Variants in CIROZ observed in about 807,000 individuals in gnomAD.
CIROZ encodes the protein ciliated left-right organizer ZP-N domains-containing protein.
At chr1:10,961,447 G>A in the CIROZ span, among the ~76,000 whole-genome samples, 1 of 152,218 alleles carries the variant, frequency 6.6e-6, no homozygotes, top group Admixed American at 6.5e-5. Flanking sequence ...CAACATGGCA[G>A]TGAGCCGGGC....
chr1:10,949,545 C>T, the CIROZ span: 52 of 1,504,458 alleles, frequency 3.5e-5, no homozygotes, highest in Admixed American at 1.0e-3. Flanking sequence ...GCCTCAGGCC[C>T]AGCTGGGTCT....
chr1:10,966,564 G>C, the CIROZ span: 2 of 1,385,702 alleles, frequency 1.4e-6, no homozygotes, highest in Non-Finnish European at 1.9e-6. Flanking sequence ...CAGACTCGCA[G>C]ATAGAAACTG....
At chr1:10,948,383 G>A in the CIROZ span, 1 of 1,613,258 alleles carries the variant, frequency 6.2e-7, no homozygotes, top group East Asian at 2.2e-5. Flanking sequence ...ACTCCTCACT[G>A]GCTTGGCCGG....
At chr1:10,975,024 C>A in the CIROZ span, among the ~76,000 whole-genome samples, 6 of 152,200 alleles carry the variant, frequency 3.9e-5, no homozygotes, top group Non-Finnish European at 8.8e-5. Flanking sequence ...GTCATCCCAG[C>A]ACTTTGGGAA....
chr1:10,948,028 G>A, the CIROZ span: 3 of 1,613,410 alleles, frequency 1.9e-6, no homozygotes, highest in Non-Finnish European at 2.5e-6. Flanking sequence ...GGTTCCATAG[G>A]AAGAACTGCC....
the CIROZ span, among the ~76,000 whole-genome samples, chr1:10,973,943 G>A: frequency 6.9e-6 from 1 of 144,420 alleles, no homozygotes; most frequent in African/African-American, 2.8e-5. Flanking sequence ...CACCCTCGGG[G>A]ACCCCAGGAA....
the CIROZ span, chr1:10,957,198 G>C: frequency 2.0e-6 from 2 of 998,140 alleles, no homozygotes; most frequent in Non-Finnish European, 2.9e-6. Flanking sequence ...TCCTACCTTC[G>C]AATTAGTCTC....
At chr1:10,970,073 C>T in the CIROZ span, 1 of 1,531,532 alleles carries the variant, frequency 6.5e-7, no homozygotes, top group South Asian at 1.2e-5. Context: ...CTGTGTCTGT[C>T]CAACAAGAAG....
At chr1:10,956,600 T>C in the CIROZ span, among the ~76,000 whole-genome samples, 1 of 151,814 alleles carries the variant, frequency 6.6e-6, no homozygotes, top group Non-Finnish European at 1.5e-5. Flanking sequence ...CTCAGCCTCC[T>C]GAGTAGCTAG....
chr1:10,966,489 T>C, the CIROZ span: 1 of 1,531,292 alleles, frequency 6.5e-7, no homozygotes, highest in Non-Finnish European at 8.7e-7. Flanking sequence ...GTGCCTGGAA[T>C]GAGAAAGGGA....
chr1:10,975,346 G>A, the CIROZ span, among the ~76,000 whole-genome samples: 2 of 150,776 alleles, frequency 1.3e-5, no homozygotes, highest in Admixed American at 6.6e-5. Flanking sequence ...CAGAGGTTGT[G>A]GTGAGCCGAA....
At chr1:10,964,404 G>C in the CIROZ span, 6 of 1,139,344 alleles carry the variant, frequency 5.3e-6, no homozygotes, top group Non-Finnish European at 7.3e-6. Context: ...TTGTGGAAGA[G>C]GGATGGGAAA....
At chr1:10,969,056 C>T in the CIROZ span, among the ~76,000 whole-genome samples, 1 of 152,152 alleles carries the variant, frequency 6.6e-6, no homozygotes, top group Non-Finnish European at 1.5e-5. Flanking sequence ...GCTGGCTGGC[C>T]AATGGGTGGT....
the CIROZ span, chr1:10,957,451 C>T: frequency 1.9e-5 from 18 of 972,580 alleles, no homozygotes; most frequent in South Asian, 1.4e-4. Context: ...CAGAGCGGAG[C>T]GCTTTACGCT....
At chr1:10,976,338 T>A in the CIROZ span, 5 of 255,708 alleles carry the variant, frequency 2.0e-5, no homozygotes, top group Non-Finnish European at 2.6e-5. Flanking sequence ...ATTATATTTC[T>A]TTTTTTTTTT....
the CIROZ span, among the ~76,000 whole-genome samples, chr1:10,967,016 G>C: frequency 6.6e-6 from 1 of 151,936 alleles, no homozygotes; most frequent in Non-Finnish European, 1.5e-5. Flanking sequence ...AGGCATGGTG[G>C]TGCCCGCCTG....
chr1:10,958,216 A>G, the CIROZ span, among the ~76,000 whole-genome samples: 1 of 152,158 alleles, frequency 6.6e-6, no homozygotes, highest in Admixed American at 6.5e-5. Flanking sequence ...TGGCAGGGAG[A>G]CATCAGGAAG....
At chr1:10,950,030 C>CTTTTTTT in the CIROZ span, among the ~76,000 whole-genome samples, 15 of 101,690 alleles carry the variant, frequency 1.5e-4, no homozygotes, top group African/African-American at 3.1e-4. Flanking sequence ...CATCAAGATT[C>CTTTTTTT]TTTTTTTTTT....
At chr1:10,977,733 C>T in the CIROZ span, among the ~76,000 whole-genome samples, 192 of 152,258 alleles carry the variant, frequency 1.3e-3, no homozygotes, top group Non-Finnish European at 2.1e-3. Flanking sequence ...GCCATAGGTT[C>T]TCTATGACTT....
Sources: allele counts gnomAD v4.1 joint callset (sites outside exome capture counted in the v4.1 genomes callset), GRCh38; gene constraint gnomAD v4.1.1; transcripts MANE v1.5; gene names NCBI Gene and HGNC (gene_info 2026-07-23, HGNC 2026-07-21).